Variants in ZNF362 observed in about 807,000 individuals in gnomAD.
ZNF362 encodes zinc finger protein 362.
In ZNF362, 11 loss-of-function variants were observed where a neutral mutation model predicts 42.9. That is an observed-to-expected ratio of 0.26 (90% CI 0.16 to 0.42). The LOEUF is 0.42. Ranked by LOEUF, ZNF362 falls within the 20% of genes least tolerant of loss-of-function variation. The pLI, the probability that ZNF362 is intolerant of heterozygous loss-of-function variation, is 1.00. For synonymous variants in ZNF362, 255 were observed against 257.3 expected (o/e 0.99, Z 0.09); for missense variants, 362 against 576.2 (o/e 0.63, Z 3.81).
the ZNF362 span, among the ~76,000 whole-genome samples, chr1:33,183,307 A>T: frequency 2.0e-5 from 3 of 152,256 alleles, no homozygotes; most frequent in African/African-American, 7.2e-5. Context: ...TTATTGAGGT[A>T]CAGTTTATGA....
At chr1:33,129,522 CAT>C in the ZNF362 span, among the ~76,000 whole-genome samples, 1 of 152,186 alleles carries the variant, frequency 6.6e-6, no homozygotes, top group South Asian at 2.1e-4. The surrounding 1 kb of genome is among the most constrained non-coding windows in gnomAD (Gnocchi z 4.1). Flanking sequence ...ATGAGTGTTA[CAT>C]ATATGTTTAC....
intron 1 of ZNF362, among the ~76,000 whole-genome samples, chr1:33,259,472 C>A (rs1645815277): frequency 6.6e-6 from 1 of 152,222 alleles, no homozygotes; most frequent in Admixed American, 6.5e-5. Context: ...CAGACACTTT[C>A]CTGTCTTATC....
the ZNF362 span, among the ~76,000 whole-genome samples, chr1:33,136,259 TTCTTTCTC>T: frequency 6.6e-6 from 1 of 151,140 alleles, no homozygotes; most frequent in Admixed American, 6.6e-5. Flanking sequence ...CTCTTTCTTT[TTCTTTCTC>T]TCTTTCTTTC....
rs1209282732 is a variant in ZNF362 at position 33,299,142 on chromosome 1, C to T, written c.*96C>T. 1 of 894,536 alleles carries T rather than the reference C, an allele frequency of 1.1e-6. No homozygotes were observed. The allele number at this position is 894,536 out of a possible 1,614,324, so 55.4% of individuals were successfully genotyped here. ...CCTCCGGGGGCCCTCCAGGAACCAC[C>T]AAGCTCTCTCACGACCTTCCCAATC... On this transcript the variant is annotated 3_prime_UTR_variant, in exon 9 of 9. Transcript: ENST00000539719.
chr1:33,260,092 C>G (rs1645819502), intron 1 of ZNF362, among the ~76,000 whole-genome samples: 3 of 152,206 alleles, frequency 2.0e-5, no homozygotes, highest in Non-Finnish European at 1.5e-5. Context: ...TTGCTGATGA[C>G]TGTCCTAGGC....
chr1:33,287,512 G>T (rs1401144697), intron 6 of ZNF362, among the ~76,000 whole-genome samples: 1 of 152,150 alleles, frequency 6.6e-6, no homozygotes, highest in Non-Finnish European at 1.5e-5. Flanking sequence ...ACCAACCATT[G>T]TTTTGGGAGG....
chr1:33,267,313 A>T (rs1173720223), intron 1 of ZNF362, among the ~76,000 whole-genome samples: 1 of 151,982 alleles, frequency 6.6e-6, no homozygotes, highest in Non-Finnish European at 1.5e-5. Context: ...ATAAGTAAAA[A>T]CCCACCTCAT....
the ZNF362 span, among the ~76,000 whole-genome samples, chr1:33,136,909 A>G: frequency 6.6e-6 from 1 of 151,610 alleles, no homozygotes; most frequent in African/African-American, 2.4e-5. Context: ...AGACAGGATA[A>G]TTGCTTGAAC....
rs1645986084 is a variant in ZNF362 at position 33,280,583 on chromosome 1, AGAGGGGCGGGGCCTTCTG to A, written c.683+130_683+147del. 5 of 1,436,174 alleles carry A rather than the reference AGAGGGGCGGGGCCTTCTG, an allele frequency of 3.5e-6. No individual in the cohort carries two copies. The highest frequency in any genetic ancestry group is 4.6e-6 in the Non-Finnish European group (5 of 1,092,104). 89.0% of individuals were successfully genotyped at this position (1,436,174 alleles called of 1,614,324 possible). A position where few individuals can be genotyped will look rare whatever the true frequency, so the allele number is the denominator to read the frequency against. On this transcript the variant is annotated intron_variant, in intron 5 of 8. Transcript: ENST00000539719. The surrounding 1 kb of genome is among the most constrained non-coding windows in gnomAD (Gnocchi z 5.6). ...GGGCTGAGGGGCAGGGCTAGGGTCC[AGAGGGGCGGGGCCTTCTG>A]GAGAGCCCCACCCACATCCCAAGTC...
the ZNF362 span, chr1:33,158,443 C>A: frequency 8.4e-7 from 1 of 1,193,326 alleles, no homozygotes. Context: ...CCGCAGCCAC[C>A]TTCAGGGCAG....
At chr1:33,212,701 G>T in the ZNF362 span, among the ~76,000 whole-genome samples, 1 of 152,060 alleles carries the variant, frequency 6.6e-6, no homozygotes, top group Non-Finnish European at 1.5e-5. Context: ...TAAACAACCA[G>T]ATCTTGTGTG....
chr1:33,171,856 A>G, the ZNF362 span, among the ~76,000 whole-genome samples: 1 of 152,110 alleles, frequency 6.6e-6, no homozygotes, highest in African/African-American at 2.4e-5. Flanking sequence ...ATCTTGGCTC[A>G]CTACAACCTC....
At chr1:33,295,393 G>A (rs868368703) in intron 8 of ZNF362, 88 bp downstream of exon 8, 66 of 1,472,544 alleles carry the variant, frequency 4.5e-5, no homozygotes, top group African/African-American at 4.0e-4. Context: ...GATCTGTGTC[G>A]ACTCTTCCCA....
the ZNF362 span, among the ~76,000 whole-genome samples, chr1:33,203,130 C>A: frequency 1.3e-5 from 2 of 152,150 alleles, no homozygotes; most frequent in Non-Finnish European, 2.9e-5. Context: ...GGATCTACAT[C>A]TCCCTATTTA....
the ZNF362 span, among the ~76,000 whole-genome samples, chr1:33,174,461 G>A: frequency 6.6e-6 from 1 of 152,170 alleles, no homozygotes; most frequent in Non-Finnish European, 1.5e-5. Context: ...TGGAGTTACA[G>A]GTGTGAGCTA....
the ZNF362 span, among the ~76,000 whole-genome samples, chr1:33,218,978 C>CACACACAT: frequency 0.019 from 2,571 of 134,314 alleles, 62 homozygotes; most frequent in East Asian, 0.064. Flanking sequence ...CACACACACA[C>CACACACAT]ACATACACCA....
chr1:33,151,019 G>A, the ZNF362 span, among the ~76,000 whole-genome samples: 12 of 152,058 alleles, frequency 7.9e-5, no homozygotes, highest in African/African-American at 1.9e-4. Flanking sequence ...GGTGCGGGGC[G>A]GGGGGTACCC....
chr1:33,131,882 T>C, the ZNF362 span, among the ~76,000 whole-genome samples: 1 of 152,122 alleles, frequency 6.6e-6, no homozygotes, highest in Non-Finnish European at 1.5e-5. Context: ...AAAGGTTTGT[T>C]TTTTTTTCAT....
the ZNF362 span, among the ~76,000 whole-genome samples, chr1:33,197,250 C>A: frequency 6.6e-6 from 1 of 152,192 alleles, no homozygotes; most frequent in Non-Finnish European, 1.5e-5. Flanking sequence ...CTGTCAGACT[C>A]AGACTGAGCC....
Sources: gnomAD v4.1 joint callset for allele counts (sites outside exome capture counted in the v4.1 genomes callset) on GRCh38, gnomAD v4.1.1 for gene constraint, Gnocchi (gnomAD v3.1) non-coding constraint, MANE v1.5 for transcripts, NCBI Gene and HGNC (gene_info 2026-07-23, HGNC 2026-07-21) for gene names.